The following RYR2 variants were observed in gnomAD, a reference collection of about 807,000 sequenced individuals.
RYR2 encodes the protein cardiac muscle ryanodine receptor-calcium release channel.
A neutral mutation model predicts 601.1 loss-of-function variants in RYR2; 227 were observed. That is an observed-to-expected ratio of 0.38 (90% CI 0.34 to 0.42). The LOEUF (loss-of-function observed/expected upper bound fraction) is 0.42. Among genes scored for constraint, RYR2 ranks in the 10% least tolerant of loss-of-function variants. RYR2 has a pLI of 1.00. For missense variants in RYR2, 4,646 were observed against 6,156.5 expected, an observed-to-expected ratio of 0.75 and a Z score of 8.21; for synonymous variants, 2,223 against 2,175.1, an observed-to-expected ratio of 1.02 and a Z score of -0.61.
At position 237,614,758 on chromosome 1, in the gene RYR2, G is replaced by A; in HGVS notation, c.5630G>A (p.Gly1877Glu). The A allele has an allele frequency of 6.2e-7, 1 of 1,613,170 alleles. No individual in the cohort carries two copies. ...AGTGTGGACGATGCAAAGCTGCAAG[G>A]AGCTGGTGAGGAAGAAGCCAAGGGG... is the stretch of plus-strand genomic sequence containing the variant. Reference protein sequence around the residue: ...ELSVDDAKLQGAGEEEAKGGK... With the variant: ...ELSVDDAKLQEAGEEEAKGGK... The change falls in exon 37 of 105, where the codon GGA (glycine) becomes GAA (glutamate). Residue 1877 changes from glycine (G) to glutamate (E), a missense_variant. Transcript: ENST00000366574. This position sits in a 1 kb window ranked among gnomAD's most constrained non-coding sequence, Gnocchi z 4.3.
intron 17 of RYR2, among the ~76,000 whole-genome samples, chr1:237,469,497 T>C (rs1660476197): frequency 6.6e-6 from 1 of 152,108 alleles, no homozygotes; most frequent in African/African-American, 2.4e-5. Flanking sequence ...TTATGTTAAG[T>C]ATTTTTATTT....
Position 237,792,224 on chromosome 1 carries a change from A to T in RYR2, c.13683A>T (p.Leu4561=). ...GAATCATCGCAGTTCACTATGTACT[A>T]GAGGAGAGCAGCGGCTACATGGAGC... ...SHRIIAVHYV[L]EESSGYMEPT... Residue 4561 remains leucine, a synonymous_variant, in exon 94 of 105, where the codon CTA becomes CTT. Transcript: ENST00000366574. The T allele has an allele frequency of 6.2e-7, 1 of 1,613,782 alleles. No individual in the cohort carries two copies. The highest frequency in any genetic ancestry group is 8.5e-7 in the Non-Finnish European group (1 of 1,179,788).
At position 237,683,246 on chromosome 1, in the gene RYR2, T is replaced by A. The variant is rs190786635; in HGVS notation, c.9017+2669T>A. 5.5e-4 allele frequency among the ~76,000 whole-genome samples: 83 copies of A among 152,272 alleles called. 1 individual carries two copies. Among genetic ancestry groups the A allele is most frequent in the Admixed American group, 3.1e-3 (47 of 15,298 alleles). ...ACGTGAGTAGCAATAGTTGTGTGGG[T>A]TTGAGTTAACTTTTCCACAATTAAA... On this transcript the variant is annotated intron_variant, in intron 62 of 104. Coordinates refer to ENST00000366574, the MANE Select transcript of RYR2 (RefSeq NM_001035.3).
chr1:237,174,471 C>G (rs973777570), intron 1 of RYR2, among the ~76,000 whole-genome samples: 1 of 152,146 alleles, frequency 6.6e-6, no homozygotes, highest in Non-Finnish European at 1.5e-5. Context: ...TGCACCTGCT[C>G]TCTATTGATG....
intron 1 of RYR2, among the ~76,000 whole-genome samples, chr1:237,098,757 C>A (rs1412848313): frequency 6.6e-6 from 1 of 152,020 alleles, no homozygotes. Flanking sequence ...ATGGTGTTTT[C>A]CAGGAACGTG....
intron 1 of RYR2, among the ~76,000 whole-genome samples, chr1:237,211,418 A>G (rs969065943): frequency 6.6e-6 from 1 of 152,230 alleles, no homozygotes; most frequent in Non-Finnish European, 1.5e-5. Context: ...TGTACTCTGA[A>G]CAATCTTCTG....
At position 237,614,194 on chromosome 1, in the gene RYR2, T is replaced by C. The variant is rs763907583; in HGVS notation, c.5066T>C (p.Ile1689Thr). 3.7e-6 allele frequency: 6 copies of C among 1,613,916 alleles called. No individual in the cohort carries two copies. The African/African-American group carries it at 8.0e-5, about 22-fold the overall frequency. ...GATGAACCTCAGCTCCTCTATGCCA[T>C]TGAGAACAAGTACATGCCTGGTTTG... ...HVDEPQLLYA[I>T]ENKYMPGLLR... is the part of the protein sequence containing the mutation. The change falls in exon 37 of 105, where the codon ATT (isoleucine) becomes ACT (threonine). Residue 1689 changes from isoleucine (I) to threonine (T), a missense_variant. Physicochemically the swap from Ile to Thr is moderately conservative, Grantham distance 89. Around this residue, in one of 17 missense-constraint regions of RYR2, gnomAD observed 1,807 missense variants for 2,088.1 expected, o/e 0.87. Coordinates refer to ENST00000366574, the MANE Select transcript of RYR2 (RefSeq NM_001035.3). The surrounding 1 kb of genome is among the most constrained non-coding windows in gnomAD (Gnocchi z 4.3).
intron 4 of RYR2, 64 bp downstream of exon 4, chr1:237,356,049 T>TA (rs1484680339): frequency 2.2e-5 from 32 of 1,454,670 alleles, no homozygotes; most frequent in Non-Finnish European, 1.4e-5. Flanking sequence ...CTCTCGCCTC[T>TA]AATCTTTCAT....
chr1:237,598,696 T>C (rs1676157295), intron 34 of RYR2, among the ~76,000 whole-genome samples: 1 of 152,152 alleles, frequency 6.6e-6, no homozygotes, highest in African/African-American at 2.4e-5. Flanking sequence ...ATTAAATGCC[T>C]ACATTTAAGA....
intron 80 of RYR2, 66 bp from the exon 81 acceptor site, chr1:237,756,222 A>G: frequency 9.7e-7 from 1 of 1,027,828 alleles, no homozygotes; most frequent in Non-Finnish European, 1.5e-6. Context: ...GACTAAAAAT[A>G]TGGTCTGTAG....
intron 1 of RYR2, among the ~76,000 whole-genome samples, chr1:237,073,515 G>A (rs550013447): frequency 5.3e-5 from 8 of 152,046 alleles, no homozygotes; most frequent in African/African-American, 1.7e-4. Context: ...TGTGCTGCAG[G>A]GGTAAGATGC....
intron 54 of RYR2, 40 bp from the exon 55 acceptor site, chr1:237,659,945 A>G (rs777451566): frequency 7.4e-7 from 1 of 1,349,484 alleles, no homozygotes; most frequent in East Asian, 2.4e-5. Flanking sequence ...TCTAAAATTA[A>G]CACGTGTAAA....
At chr1:237,728,280 A>G (rs1007880137) in intron 76 of RYR2, among the ~76,000 whole-genome samples, 16 of 152,230 alleles carry the variant, frequency 1.1e-4, no homozygotes, top group African/African-American at 3.6e-4. Flanking sequence ...ATCGTGTCAC[A>G]CTCACTGGGT....
intron 86 of RYR2, among the ~76,000 whole-genome samples, chr1:237,772,610 G>A (rs1400954353): frequency 6.6e-6 from 1 of 152,132 alleles, no homozygotes; most frequent in East Asian, 1.9e-4. Flanking sequence ...TAATCAAACT[G>A]AATTGAAGAC....
At chr1:237,238,499 C>T (rs1685823549) in intron 1 of RYR2, among the ~76,000 whole-genome samples, 1 of 152,164 alleles carries the variant, frequency 6.6e-6, no homozygotes, top group South Asian at 2.1e-4. Context: ...GTGTCATGGG[C>T]CTTGGTTACT....
At chr1:237,421,856 T>C (rs774717811) in intron 11 of RYR2, among the ~76,000 whole-genome samples, 2 of 152,178 alleles carry the variant, frequency 1.3e-5, no homozygotes, top group Non-Finnish European at 2.9e-5. Context: ...ATTTTTAGAG[T>C]ATACACTTTT....
Position 237,550,623 on chromosome 1 carries a change from G to A in RYR2, c.3146G>A (p.Ser1049Asn). Residue 1049 changes from serine to asparagine, a missense_variant, in exon 27 of 105, where the codon AGC becomes AAC. Ser to Asn is a conservative substitution (Grantham distance 46, BLOSUM62 1). Coordinates refer to ENST00000366574, the MANE Select transcript of RYR2 (RefSeq NM_001035.3). ...CGAACCAAGAAATCCAACAAGGACA[G>A]CCTCCGCGAGGCTGTGCGCACGCTG... ...DDRTKKSNKD[S>N]LREAVRTLLG... 2 of 1,593,494 alleles carry A rather than the reference G, an allele frequency of 1.3e-6. No homozygotes were observed. The highest frequency in any genetic ancestry group is 1.7e-6 in the Non-Finnish European group (2 of 1,169,602).
At chr1:237,763,793 G>A (rs74149920) in intron 84 of RYR2, among the ~76,000 whole-genome samples, 4,418 of 152,262 alleles carry the variant, frequency 0.029, 193 homozygotes, top group African/African-American at 0.1. Context: ...CTTCCAGATT[G>A]TTTTAAGAAT....
chr1:237,387,228 T>A, intron 8 of RYR2, 53 bp from the exon 9 acceptor site: 2 of 1,506,644 alleles, frequency 1.3e-6, no homozygotes, highest in Non-Finnish European at 1.8e-6. Context: ...AGCACTTACA[T>A]GTTACAGCTT....
Sources: allele counts gnomAD v4.1 joint callset (sites outside exome capture counted in the v4.1 genomes callset), GRCh38; gene constraint gnomAD v4.1.1; regional missense constraint gnomAD v4.1.1; non-coding constraint Gnocchi (gnomAD v3.1); transcripts MANE v1.5; gene names NCBI Gene and HGNC (gene_info 2026-07-23, HGNC 2026-07-21).